Variants in DPP10 observed in about 807,000 individuals in gnomAD.
DPP10 encodes the protein dipeptidyl peptidase like 10.
DPP10 carries 33 observed loss-of-function variants against 120.9 expected under a neutral mutation model. That is an observed-to-expected ratio of 0.27 (90% CI 0.21 to 0.37). The LOEUF (loss-of-function observed/expected upper bound fraction) is 0.37, where lower values mean the gene tolerates loss of function less well. DPP10 is among the 10% of genes least tolerant of loss of function. DPP10 has a pLI of 1.00. For synonymous variants in DPP10, 337 were observed against 326.1 expected (o/e 1.03, Z -0.36); for missense variants, 816 against 942.8 (o/e 0.87, Z 1.76).
intron 1 of DPP10, among the ~76,000 whole-genome samples, chr2:114,680,011 A>T (rs989425117): frequency 6.6e-6 from 1 of 151,996 alleles, no homozygotes; most frequent in Non-Finnish European, 1.5e-5. Flanking sequence ...TTAAAATAGG[A>T]TGTAATTGAT....
At chr2:115,034,612 G>C (rs1704091185) in intron 1 of DPP10, among the ~76,000 whole-genome samples, 1 of 152,128 alleles carries the variant, frequency 6.6e-6, no homozygotes, top group South Asian at 2.1e-4. Context: ...ACCCTTCTCA[G>C]TTAGTTAAAA....
At chr2:114,602,471 C>T (rs1692452992) in intron 1 of DPP10, among the ~76,000 whole-genome samples, 1 of 151,968 alleles carries the variant, frequency 6.6e-6, no homozygotes, top group African/African-American at 2.4e-5. Context: ...CTATTATTAT[C>T]ATCATCATCC....
intron 3 of DPP10, among the ~76,000 whole-genome samples, chr2:115,459,427 G>A (rs2073844726): frequency 6.6e-6 from 1 of 151,866 alleles, no homozygotes; most frequent in Non-Finnish European, 1.5e-5. Context: ...AAAGTGCTGG[G>A]ATTACAGGCA....
At chr2:114,790,013 G>T (rs1276378804) in intron 1 of DPP10, among the ~76,000 whole-genome samples, 1 of 152,218 alleles carries the variant, frequency 6.6e-6, no homozygotes, top group African/African-American at 2.4e-5. Context: ...ATTATTGTCA[G>T]CATCTTTGTC....
intron 5 of DPP10, among the ~76,000 whole-genome samples, chr2:115,681,579 T>C (rs1488998307): frequency 6.6e-6 from 1 of 151,800 alleles, no homozygotes; most frequent in Admixed American, 6.6e-5. Context: ...ACCAAAAAAT[T>C]TCCATATATT....
At chr2:115,452,673 T>C (rs1299412649) in intron 3 of DPP10, among the ~76,000 whole-genome samples, 2 of 151,972 alleles carry the variant, frequency 1.3e-5, no homozygotes, top group African/African-American at 4.8e-5. Context: ...TCCTTCTTTT[T>C]TTAACTTTTA....
chr2:115,000,798 T>TA (rs1262532814), intron 1 of DPP10, among the ~76,000 whole-genome samples: 1 of 152,300 alleles, frequency 6.6e-6, no homozygotes, highest in African/African-American at 2.4e-5. Flanking sequence ...CTTAAGGCAC[T>TA]AAAAAAATCT....
At chr2:115,519,145 A>T (rs998641460) in intron 4 of DPP10, among the ~76,000 whole-genome samples, 1 of 152,144 alleles carries the variant, frequency 6.6e-6, no homozygotes, top group Non-Finnish European at 1.5e-5. Context: ...TTTTTAAGTT[A>T]TTAATAGATT....
chr2:114,545,569 C>T (rs1012231028), intron 1 of DPP10, among the ~76,000 whole-genome samples: 6 of 152,162 alleles, frequency 3.9e-5, no homozygotes, highest in Non-Finnish European at 5.9e-5. Flanking sequence ...ACTTCTCATG[C>T]AGGGGATTTA....
chr2:114,710,248 C>T (rs1375617214), intron 1 of DPP10, among the ~76,000 whole-genome samples: 2 of 152,144 alleles, frequency 1.3e-5, no homozygotes, highest in Admixed American at 6.5e-5. Flanking sequence ...GCCACAAAGG[C>T]GGATTTGAGT....
chr2:114,660,146 C>T (rs965122819), intron 1 of DPP10, among the ~76,000 whole-genome samples: 27 of 152,164 alleles, frequency 1.8e-4, no homozygotes, highest in Admixed American at 1.2e-3. Context: ...GAAGCTGGTA[C>T]AGGAGCCAAG....
At position 115,185,517 on chromosome 2, in the gene DPP10, A is replaced by G. The variant is rs561004068; in HGVS notation, c.61-123722A>G. ...GTACCATTTTACCAAATGTCCTAAA[A>G]AATGATGAGTACTTTCACAAGTAAA... On this transcript the variant is annotated intron_variant, in intron 1 of 25. Coordinates refer to ENST00000410059, the MANE Select transcript of DPP10 (RefSeq NM_020868.6). 1.1e-4 allele frequency among the ~76,000 whole-genome samples: 16 copies of G among 152,334 alleles called. No individual in the cohort carries two copies. In the East Asian group the frequency reaches 2.9e-3, roughly 28 times the overall value.
At chr2:114,999,458 G>A (rs145045578) in intron 1 of DPP10, among the ~76,000 whole-genome samples, 3 of 152,056 alleles carry the variant, frequency 2.0e-5, no homozygotes, top group Admixed American at 6.6e-5. Context: ...TCCAACTGAG[G>A]TTTCCTTTTG....
chr2:114,609,315 T>C (rs933025841), intron 1 of DPP10, among the ~76,000 whole-genome samples: 7 of 152,194 alleles, frequency 4.6e-5, no homozygotes, highest in African/African-American at 1.7e-4. Context: ...GAGATAAATA[T>C]CCTTGACTTG....
chr2:114,969,177 A>T (rs1699232655), intron 1 of DPP10, among the ~76,000 whole-genome samples: 1 of 152,196 alleles, frequency 6.6e-6, no homozygotes, highest in South Asian at 2.1e-4. Flanking sequence ...CTTCTGGCTG[A>T]TGTCATATAC....
chr2:115,651,923 T>C (rs2087816044), intron 5 of DPP10, among the ~76,000 whole-genome samples: 1 of 152,064 alleles, frequency 6.6e-6, no homozygotes, highest in Admixed American at 6.6e-5. Flanking sequence ...ATATAATGAT[T>C]CATTTTTCAA....
intron 5 of DPP10, 123 bp downstream of exon 5, chr2:115,526,095 C>A: frequency 3.1e-6 from 2 of 643,484 alleles, no homozygotes; most frequent in Non-Finnish European, 5.3e-6. Context: ...TACCGGAGGA[C>A]AGTAATGACT....
At chr2:115,418,362 C>T (rs773793795) in intron 3 of DPP10, among the ~76,000 whole-genome samples, 10 of 151,996 alleles carry the variant, frequency 6.6e-5, no homozygotes, top group Non-Finnish European at 1.0e-4. Flanking sequence ...AGGGTAGATA[C>T]GCAGTGAGAG....
chr2:115,316,991 T>C (rs1237716931), intron 2 of DPP10, among the ~76,000 whole-genome samples: 1 of 152,106 alleles, frequency 6.6e-6, no homozygotes, highest in African/African-American at 2.4e-5. Context: ...CACATGCTAC[T>C]CAGGAGGCAG....
Sources: gnomAD v4.1 joint callset for allele counts (sites outside exome capture counted in the v4.1 genomes callset) on GRCh38, gnomAD v4.1.1 for gene constraint, MANE v1.5 for transcripts, NCBI Gene and HGNC (gene_info 2026-07-23, HGNC 2026-07-21) for gene names.